NWD1: variants seen among roughly 807,000 people sequenced by gnomAD.
The protein encoded by NWD1 is NACHT domain- and WD repeat-containing protein 1.
A neutral mutation model predicts 135.1 loss-of-function variants in NWD1; 129 were observed. The ratio of observed to expected loss-of-function variants is 0.96; its 90% CI spans 0.83 to 1.11. The LOEUF is 1.11. NWD1 is among the 50% of genes least tolerant of loss of function. The probability of loss-of-function intolerance (pLI) is 0.00; values close to 1 mark genes in which losing one functional copy is unlikely to be tolerated. For synonymous variants in NWD1, 773 were observed against 786.0 expected (o/e 0.98, Z 0.28); for missense variants, 1,740 against 1,851.3 (o/e 0.94, Z 1.10).
intron 12 of NWD1, among the ~76,000 whole-genome samples, chr19:16,783,980 G>A (rs1176212517): frequency 2.6e-5 from 4 of 152,028 alleles, no homozygotes; most frequent in Non-Finnish European, 2.9e-5. Flanking sequence ...GGGAGGCCGC[G>A]GATCACCTGA....
chr19:16,792,354 C>T (rs1970276443), intron 14 of NWD1, among the ~76,000 whole-genome samples: 1 of 151,842 alleles, frequency 6.6e-6, no homozygotes, highest in Non-Finnish European at 1.5e-5. Flanking sequence ...CCAGCCTGGC[C>T]AACATGGCAA....
intron 5 of NWD1, among the ~76,000 whole-genome samples, chr19:16,748,781 G>A (rs191489935): frequency 3.4e-4 from 52 of 152,108 alleles, no homozygotes; most frequent in African/African-American, 1.1e-3. Context: ...CTAAGATCGC[G>A]CCACTCCACT....
chr19:16,754,790 T>TCATCCATC (rs112223594), intron 6 of NWD1, among the ~76,000 whole-genome samples: 9,219 of 145,294 alleles, frequency 0.063, 947 homozygotes, highest in African/African-American at 0.22. Context: ...ATCATCTCTA[T>TCATCCATC]CATCCATCCA....
intron 6 of NWD1, among the ~76,000 whole-genome samples, chr19:16,755,976 C>T (rs145815626): frequency 6.6e-6 from 1 of 152,196 alleles, no homozygotes; most frequent in Non-Finnish European, 1.5e-5. Flanking sequence ...CTACTGTTGA[C>T]CAGAAGCCTT....
intron 6 of NWD1, among the ~76,000 whole-genome samples, chr19:16,756,553 ATCTC>A (rs1968805940): frequency 6.6e-6 from 1 of 152,246 alleles, no homozygotes; most frequent in Non-Finnish European, 1.5e-5. Context: ...ATGTTTATCT[ATCTC>A]TGTATCTATT....
chr19:16,767,971 G>A (rs966507854), intron 10 of NWD1, among the ~76,000 whole-genome samples: 5 of 141,698 alleles, frequency 3.5e-5, no homozygotes, highest in African/African-American at 1.3e-4. Context: ...GCATATGTCA[G>A]AATTTCCTTC....
At chr19:16,756,650 C>T (rs1274322253) in intron 6 of NWD1, among the ~76,000 whole-genome samples, 2 of 152,148 alleles carry the variant, frequency 1.3e-5, no homozygotes, top group Non-Finnish European at 2.9e-5. Flanking sequence ...GTCTATCATG[C>T]TACCAGCATC....
At chr19:16,731,379 T>C in intron 3 of NWD1, 101 bp downstream of exon 3, 1 of 672,880 alleles carries the variant, frequency 1.5e-6, no homozygotes, top group Non-Finnish European at 2.6e-6. Flanking sequence ...CGATCTCGGC[T>C]CACTGCAACC....
intron 17 of NWD1, among the ~76,000 whole-genome samples, chr19:16,807,194 A>T (rs1970772788): frequency 6.6e-6 from 1 of 150,626 alleles, no homozygotes; most frequent in Admixed American, 6.6e-5. Flanking sequence ...AAAAGAAAGA[A>T]AGAAAATATG....
chr19:16,736,438 G>T (rs1157342212), intron 3 of NWD1, among the ~76,000 whole-genome samples, 196 bp from the exon 4 acceptor site: 1 of 151,944 alleles, frequency 6.6e-6, no homozygotes, highest in Non-Finnish European at 1.5e-5. Context: ...CCTCTAGTCT[G>T]GGTCTGTCTG....
chr19:16,744,013 A>T (rs1327320689), intron 4 of NWD1, among the ~76,000 whole-genome samples: 2 of 152,136 alleles, frequency 1.3e-5, no homozygotes, highest in African/African-American at 4.8e-5. Context: ...AGTGTTTTAC[A>T]TGGCATAAGA....
chr19:16,721,109 C>T (rs927926235), intron 1 of NWD1, among the ~76,000 whole-genome samples: 1 of 152,118 alleles, frequency 6.6e-6, no homozygotes. Context: ...TTTGGCCTCT[C>T]AAAGTGCTGG....
intron 18 of NWD1, among the ~76,000 whole-genome samples, chr19:16,808,467 T>C (rs1042813707): frequency 6.6e-6 from 1 of 151,556 alleles, no homozygotes; most frequent in Non-Finnish European, 1.5e-5. Context: ...GGAGAATCGC[T>C]TGAAATTGGG....
chr19:16,746,263 CGTG>C (rs1968310479), intron 5 of NWD1, among the ~76,000 whole-genome samples: 2 of 146,584 alleles, frequency 1.4e-5, no homozygotes, highest in Admixed American at 1.4e-4. Context: ...AGGAGAGTGA[CGTG>C]GGAGGATTGC....
chr19:16,807,170 C>T (rs1283459758), intron 17 of NWD1, among the ~76,000 whole-genome samples: 1 of 99,846 alleles, frequency 1.0e-5, no homozygotes, highest in African/African-American at 3.2e-5. Flanking sequence ...AATACTGTCT[C>T]AAAAAAAAAA....
intron 3 of NWD1, among the ~76,000 whole-genome samples, 186 bp from the exon 4 acceptor site, chr19:16,736,448 G>A (rs771414077): frequency 6.6e-6 from 1 of 151,970 alleles, no homozygotes; most frequent in Non-Finnish European, 1.5e-5. Flanking sequence ...GGGTCTGTCT[G>A]TTATTTTTCT....
rs35838598 is a variant in NWD1 at position 16,782,284 on chromosome 19, TAAAAA to T, written c.2731+2837_2731+2841del. Among the ~76,000 whole-genome samples, 11 of 76,288 alleles carry T rather than the reference TAAAAA, an allele frequency of 1.4e-4. No individual in the cohort carries two copies. The Admixed American group carries it at 1.6e-3, about 11-fold the overall frequency. The allele number at this position is 76,288 out of a possible 152,430, so 50.0% of individuals were successfully genotyped here. ...GTGCAACATAGCAAGACGTCACCTC[TAAAAA>T]AAAAAAAAAAAAAAAAAGTGTTTTA... On this transcript the variant is annotated intron_variant, in intron 12 of 18. Coordinates refer to ENST00000524140, the MANE Select transcript of NWD1 (RefSeq NM_001007525.5).
intron 14 of NWD1, among the ~76,000 whole-genome samples, 183 bp downstream of exon 14, chr19:16,791,805 T>G (rs1422016609): frequency 6.6e-6 from 1 of 152,126 alleles, no homozygotes; most frequent in East Asian, 1.9e-4. Context: ...CCTCCGCCTC[T>G]CGGGTTCAAG....
At chr19:16,798,959 A>C (rs761103233) in intron 16 of NWD1, among the ~76,000 whole-genome samples, 2 of 151,744 alleles carry the variant, frequency 1.3e-5, no homozygotes, top group Admixed American at 6.6e-5. Flanking sequence ...AAAACATTAA[A>C]AGTTTTGAGC....
Sources: gnomAD v4.1 joint callset for allele counts (sites outside exome capture counted in the v4.1 genomes callset) on GRCh38, gnomAD v4.1.1 for gene constraint, MANE v1.5 for transcripts, NCBI Gene and HGNC (gene_info 2026-07-23, HGNC 2026-07-21) for gene names.